PAK5: variants seen among roughly 807,000 people sequenced by gnomAD.
The protein encoded by PAK5 is serine/threonine-protein kinase PAK 5.
A neutral mutation model predicts 65.9 loss-of-function variants in PAK5; 16 were observed. The ratio of observed to expected loss-of-function variants is 0.24; its 90% CI spans 0.16 to 0.37. The LOEUF (loss-of-function observed/expected upper bound fraction) is 0.37. Among genes scored for constraint, PAK5 ranks in the 10% least tolerant of loss-of-function variants. The pLI, the probability that PAK5 is intolerant of heterozygous loss-of-function variation, is 1.00. For missense variants in PAK5, 785 were observed against 903.9 expected, an observed-to-expected ratio of 0.87 and a Z score of 1.69; for synonymous variants, 371 against 354.9, an observed-to-expected ratio of 1.05 and a Z score of -0.51.
intron 1 of PAK5, among the ~76,000 whole-genome samples, chr20:9,725,476 T>G (rs769361753): frequency 2.0e-5 from 3 of 152,126 alleles, no homozygotes; most frequent in Non-Finnish European, 4.4e-5. Context: ...AACAATTAAA[T>G]GATTAAATCA....
At chr20:9,611,043 G>A (rs2046550069) in intron 3 of PAK5, among the ~76,000 whole-genome samples, 2 of 152,166 alleles carry the variant, frequency 1.3e-5, no homozygotes, top group South Asian at 4.1e-4. Context: ...TAGACTTCCA[G>A]CCTCCAGAAC....
Position 9,800,441 on chromosome 20 carries a change from T to C in PAK5, c.-162+38321A>G, listed in dbSNP as rs957280835. Among the ~76,000 whole-genome samples, 4 of 152,136 alleles carry C rather than the reference T, an allele frequency of 2.6e-5. No homozygotes were observed. The South Asian group carries it at 8.3e-4, about 31-fold the overall frequency. On this transcript the variant is annotated intron_variant, in intron 1 of 9. Coordinates refer to ENST00000353224, the MANE Select transcript of PAK5 (RefSeq NM_177990.4). The stretch of plus-strand genomic sequence containing the variant: ...TGACCATTTATTGTGGCATTTGACA[T>C]CTATTTGAACTTCATGCCTGTGGGA...
At chr20:9,627,202 TCTAAG>T (rs1299604425) in intron 3 of PAK5, among the ~76,000 whole-genome samples, 2 of 152,250 alleles carry the variant, frequency 1.3e-5, no homozygotes, top group Non-Finnish European at 2.9e-5. Context: ...AGCTTTCTGC[TCTAAG>T]CTAAGTGGGA....
At chr20:9,736,625 G>A (rs543260253) in intron 1 of PAK5, among the ~76,000 whole-genome samples, 7 of 152,294 alleles carry the variant, frequency 4.6e-5, no homozygotes, top group Non-Finnish European at 7.4e-5. Flanking sequence ...TATCATGAAG[G>A]TTTCAAGATC....
intron 1 of PAK5, among the ~76,000 whole-genome samples, chr20:9,726,157 T>A (rs1002023361): frequency 6.6e-6 from 1 of 152,160 alleles, no homozygotes; most frequent in African/African-American, 2.4e-5. Context: ...GTTTTCATTG[T>A]CAGCTTTTTA....
At chr20:9,820,725 G>A (rs2049410133) in intron 1 of PAK5, among the ~76,000 whole-genome samples, 1 of 152,168 alleles carries the variant, frequency 6.6e-6, no homozygotes, top group Non-Finnish European at 1.5e-5. Context: ...TATGGACCAA[G>A]GCAGGCACAA....
chr20:9,642,304 C>T (rs377754591), intron 3 of PAK5, among the ~76,000 whole-genome samples: 1 of 152,242 alleles, frequency 6.6e-6, no homozygotes, highest in Non-Finnish European at 1.5e-5. Context: ...TCTCCACATC[C>T]TCTCCAGCAC....
chr20:9,677,071 G>T (rs867445306), intron 2 of PAK5, among the ~76,000 whole-genome samples: 28,229 of 151,608 alleles, frequency 0.19, 2,855 homozygotes, highest in East Asian at 0.36. Flanking sequence ...GTGTGTGTGT[G>T]TGTGTGTGTG....
chr20:9,569,967 C>T (rs1453993900), intron 4 of PAK5, among the ~76,000 whole-genome samples: 1 of 149,178 alleles, frequency 6.7e-6, no homozygotes, highest in Non-Finnish European at 1.5e-5. Flanking sequence ...AGAACACATG[C>T]TTTTGACGGG....
rs769990291 is a variant in PAK5, at chr20:9,580,929, G to T, written c.206C>A (p.Thr69Lys). 6.4e-7 allele frequency: 1 copy of T among 1,570,356 alleles called. No individual in the cohort carries two copies. Among genetic ancestry groups the T allele is most frequent in the South Asian group, 1.2e-5 (1 of 85,298 alleles). ...ITPIQLAPMKTIVRGNKPCKE... is the reference protein window; with the variant it reads ...ITPIQLAPMKKIVRGNKPCKE... ...GCAGGGTTTGTTTCCTCTAACGATTGTCTGGGAATAATAGAGGGAATATTG... is the reference window on the plus strand; with the variant it reads ...GCAGGGTTTGTTTCCTCTAACGATTTTCTGGGAATAATAGAGGGAATATTG... Residue 69 changes from threonine to lysine, a missense_variant and splice_region_variant, in exon 4 of 10, where the codon ACA becomes AAA. Thr to Lys is a moderately conservative substitution (Grantham distance 78). This residue lies in a region of PAK5 where 71 missense variants were observed against 110.2 expected (regional missense o/e 0.64). Coordinates refer to ENST00000353224, the MANE Select transcript of PAK5 (RefSeq NM_177990.4).
At chr20:9,604,830 T>A (rs1954286136) in intron 3 of PAK5, among the ~76,000 whole-genome samples, 1 of 152,186 alleles carries the variant, frequency 6.6e-6, no homozygotes, top group Non-Finnish European at 1.5e-5. Context: ...CTAGGCATTC[T>A]ATGGCAGGGA....
intron 1 of PAK5, among the ~76,000 whole-genome samples, chr20:9,813,426 A>G (rs1165799169): frequency 6.6e-6 from 1 of 152,186 alleles, no homozygotes; most frequent in African/African-American, 2.4e-5. Flanking sequence ...CTTAGGAGTA[A>G]CATTGTGATG....
intron 1 of PAK5, among the ~76,000 whole-genome samples, chr20:9,713,344 T>C (rs2048101109): frequency 6.6e-6 from 1 of 151,652 alleles, no homozygotes; most frequent in Non-Finnish European, 1.5e-5. Context: ...ATGGCTATTA[T>C]CAAAAAGAAA....
intron 2 of PAK5, among the ~76,000 whole-genome samples, chr20:9,680,246 C>G (rs1019130902): frequency 3.3e-5 from 5 of 152,154 alleles, no homozygotes; most frequent in African/African-American, 1.2e-4. Context: ...AGATGGATCA[C>G]TGTAATTTAG....
intron 1 of PAK5, among the ~76,000 whole-genome samples, chr20:9,835,935 G>T (rs1019480495): frequency 6.6e-6 from 1 of 152,106 alleles, no homozygotes; most frequent in Non-Finnish European, 1.5e-5. Flanking sequence ...GCATTTGTTT[G>T]GAAGGTTAGC....
At chr20:9,751,240 A>G (rs1032388887) in intron 1 of PAK5, among the ~76,000 whole-genome samples, 1 of 152,282 alleles carries the variant, frequency 6.6e-6, no homozygotes, top group African/African-American at 2.4e-5. Flanking sequence ...ATATTTTAAC[A>G]CAAACACATT....
intron 2 of PAK5, among the ~76,000 whole-genome samples, chr20:9,671,127 G>A (rs992318692): frequency 6.6e-6 from 1 of 152,128 alleles, no homozygotes; most frequent in African/African-American, 2.4e-5. Flanking sequence ...TGTTCCATTG[G>A]TCTATATGTC....
At chr20:9,769,061 A>G (rs1268253266) in intron 1 of PAK5, among the ~76,000 whole-genome samples, 1 of 152,226 alleles carries the variant, frequency 6.6e-6, no homozygotes, top group African/African-American at 2.4e-5. Context: ...TCAAAACAAT[A>G]TAATGACAAG....
At chr20:9,655,016 C>T (rs1569022817) in intron 2 of PAK5, among the ~76,000 whole-genome samples, 1 of 152,184 alleles carries the variant, frequency 6.6e-6, no homozygotes, top group Admixed American at 6.5e-5. Flanking sequence ...TCTGTCTACC[C>T]TGTCCACGCC....
Sources: allele counts gnomAD v4.1 joint callset (sites outside exome capture counted in the v4.1 genomes callset), GRCh38; gene constraint gnomAD v4.1.1; regional missense constraint gnomAD v4.1.1; transcripts MANE v1.5; gene names NCBI Gene and HGNC (gene_info 2026-07-23, HGNC 2026-07-21).